STX7: variants seen among roughly 807,000 people sequenced by gnomAD.
The protein encoded by STX7 is syntaxin 7, also known as syntaxin-7.
A neutral mutation model predicts 39.6 loss-of-function variants in STX7; 34 were observed. The observed-to-expected ratio is 0.86, with a 90% CI of 0.65 to 1.14. The LOEUF is 1.14. STX7 is among the 50% of genes most tolerant of loss of function. The pLI is 0.00. For missense variants in STX7, 284 were observed against 310.4 expected (o/e 0.92, Z 0.64); for synonymous variants, 119 against 99.1 (o/e 1.20, Z -1.19).
chr6:132,460,915 C>G (rs1171296171), intron 9 of STX7, 65 bp from the exon 10 acceptor site: 3 of 1,351,336 alleles, frequency 2.2e-6, no homozygotes, highest in African/African-American at 2.9e-5. Context: ...AGTACCTCTA[C>G]AGCAACTAAA....
At position 132,460,108 on chromosome 6, in the gene STX7, C is replaced by G. The variant is rs1774350856; in HGVS notation, c.*650G>C. On this transcript the variant is annotated 3_prime_UTR_variant, in exon 10 of 10. Coordinates refer to ENST00000367941, the MANE Select transcript of STX7 (RefSeq NM_003569.3). ...GACTTAAATAGACCATATGTAAAAACAACCTATCCTTAGTAATTTTACTAG... is the reference window on the plus strand; with the variant it reads ...GACTTAAATAGACCATATGTAAAAAGAACCTATCCTTAGTAATTTTACTAG... 6.6e-6 allele frequency: 1 copy of G among 152,138 alleles called. No individual in the cohort carries two copies. The highest frequency in any genetic ancestry group is 2.4e-5 in the African/African-American group (1 of 41,424). 9.4% of individuals were successfully genotyped at this position (152,138 alleles called of 1,614,324 possible). A position where few individuals can be genotyped will look rare whatever the true frequency, so the allele number is the denominator to read the frequency against.
chr6:132,456,938 G>A lies in STX7; in HGVS notation c.*3820C>T, dbSNP rs771681140. On this transcript the variant is annotated 3_prime_UTR_variant, in exon 10 of 10. Coordinates refer to ENST00000367941, the MANE Select transcript of STX7 (RefSeq NM_003569.3). ...GGCCACTGCAGACAGAAGTGTAGGC[G>A]GGCAGAGGACATGAGTTTCACAGCA... 4 of 152,306 alleles carry A rather than the reference G, an allele frequency of 2.6e-5. No individual in the cohort carries two copies. Among genetic ancestry groups the A allele is most frequent in the Non-Finnish European group, 4.4e-5 (3 of 68,096 alleles). The allele number at this position is 152,306 out of a possible 1,614,324, so 9.4% of individuals were successfully genotyped here.
At chr6:132,487,424 C>A (rs1351453200) in intron 2 of STX7, among the ~76,000 whole-genome samples, 2 of 152,032 alleles carry the variant, frequency 1.3e-5, no homozygotes. Flanking sequence ...GGGAGTTGAA[C>A]AATGAGAACA....
intron 2 of STX7, among the ~76,000 whole-genome samples, chr6:132,483,524 C>T (rs1191398460): frequency 3.3e-5 from 5 of 152,290 alleles, no homozygotes; most frequent in Admixed American, 1.3e-4. Context: ...ATGCTATTCA[C>T]CCATCATAGG....
chr6:132,489,807 T>TTC (rs1368605511), intron 2 of STX7, among the ~76,000 whole-genome samples: 1 of 152,204 alleles, frequency 6.6e-6, no homozygotes, highest in South Asian at 2.1e-4. Flanking sequence ...TTGTCATTGG[T>TTC]TCTCTTCCCG....
At chr6:132,487,142 T>C (rs113863927) in intron 2 of STX7, among the ~76,000 whole-genome samples, 1 of 152,212 alleles carries the variant, frequency 6.6e-6, no homozygotes, top group African/African-American at 2.4e-5. Flanking sequence ...GGTTTTAAGT[T>C]GTAATTTCAA....
chr6:132,462,188 C>A (rs913765877), intron 9 of STX7, among the ~76,000 whole-genome samples: 6 of 152,170 alleles, frequency 3.9e-5, no homozygotes, highest in African/African-American at 7.2e-5. Context: ...GTAATGAGAC[C>A]CTGGGGCAAT....
At position 132,459,672 on chromosome 6, in the gene STX7, A is replaced by G. The variant is rs1774339576; in HGVS notation, c.*1086T>C. 1 of 152,238 alleles carries G rather than the reference A, an allele frequency of 6.6e-6. No individual in the cohort carries two copies. Among genetic ancestry groups the G allele is most frequent in the South Asian group, 2.1e-4 (1 of 4,828 alleles). 9.4% of individuals were successfully genotyped at this position (152,238 alleles called of 1,614,324 possible). On this transcript the variant is annotated 3_prime_UTR_variant, in exon 10 of 10. Coordinates refer to ENST00000367941, the MANE Select transcript of STX7 (RefSeq NM_003569.3). ...TATAAAATACAAAGTATAAACTAAG[A>G]TAATCCTCTTTACAGAATTCAGATT... is the stretch of plus-strand genomic sequence containing the variant.
intron 2 of STX7, among the ~76,000 whole-genome samples, chr6:132,496,797 A>T (rs1403470540): frequency 2.0e-5 from 3 of 152,216 alleles, no homozygotes; most frequent in Non-Finnish European, 1.5e-5. Context: ...ACATGCAATC[A>T]CATACAGCTT....
intron 1 of STX7, among the ~76,000 whole-genome samples, chr6:132,509,538 AACCAAATTT>A (rs1201157509): frequency 1.3e-5 from 2 of 151,598 alleles, no homozygotes; most frequent in African/African-American, 4.8e-5. Flanking sequence ...ACAAAAGAAA[AACCAAATTT>A]ACCACTTTTC....
In STX7 at chr6:132,449,749, C is replaced by G. The variant is rs1774099256; in HGVS notation, c.*11009G>C. 3 of 152,168 alleles carry G rather than the reference C, an allele frequency of 2.0e-5. No homozygotes were observed. The South Asian group carries it at 6.2e-4, about 31-fold the overall frequency. 9.4% of individuals were successfully genotyped at this position (152,168 alleles called of 1,614,324 possible). On this transcript the variant is annotated 3_prime_UTR_variant, in exon 10 of 10. Coordinates refer to ENST00000367941, the MANE Select transcript of STX7 (RefSeq NM_003569.3). ...TTTTAATATCTGCCTTTTAACACAT[C>G]TCTCATTTCATGTTCGTTTTAATTC...
chr6:132,500,133 T>C (rs1775520081), intron 2 of STX7, among the ~76,000 whole-genome samples: 1 of 152,196 alleles, frequency 6.6e-6, no homozygotes, highest in South Asian at 2.1e-4. Flanking sequence ...ATGACCAGCA[T>C]ACCTCCCTGC....
rs1774126602 is a variant in STX7 at position 132,451,080 on chromosome 6, G to A, written c.*9678C>T. 6.6e-6 allele frequency: 1 copy of A among 151,156 alleles called. No homozygotes were observed. The highest frequency in any genetic ancestry group is 1.5e-5 in the Non-Finnish European group (1 of 67,858). The allele number at this position is 151,156 out of a possible 1,614,324, so 9.4% of individuals were successfully genotyped here. ...ATTTAAAAAACTGGATTTCTCATGGGGAACCATGAAATTTTCTTTCCTTTT... is the reference window on the plus strand; with the variant it reads ...ATTTAAAAAACTGGATTTCTCATGGAGAACCATGAAATTTTCTTTCCTTTT... On this transcript the variant is annotated 3_prime_UTR_variant, in exon 10 of 10. Coordinates refer to ENST00000367941, the MANE Select transcript of STX7 (RefSeq NM_003569.3).
intron 2 of STX7, among the ~76,000 whole-genome samples, chr6:132,502,496 C>T (rs1437012830): frequency 1.3e-5 from 2 of 152,168 alleles, no homozygotes; most frequent in Non-Finnish European, 2.9e-5. Context: ...AACCTATCCA[C>T]TCAAATCTGC....
rs1330581461 is a variant in STX7 at position 132,452,380 on chromosome 6, C to CT, written c.*8377dup. On this transcript the variant is annotated 3_prime_UTR_variant, in exon 10 of 10. Transcript: ENST00000367941. ...TTATTTCTGCTGGAATTTCTACCCACTGCATTAAGGGACTGAAAGGAAAAA... is the reference window on the plus strand; with the variant it reads ...TTATTTCTGCTGGAATTTCTACCCACTTGCATTAAGGGACTGAAAGGAAAAA... The CT allele has an allele frequency of 6.6e-6, 1 of 151,456 alleles. No individual in the cohort carries two copies. The highest frequency in any genetic ancestry group is 1.5e-5 in the Non-Finnish European group (1 of 67,892). 9.4% of individuals were successfully genotyped at this position (151,456 alleles called of 1,614,324 possible).
chr6:132,477,534 C>A (rs1774904002), intron 2 of STX7, among the ~76,000 whole-genome samples: 1 of 151,916 alleles, frequency 6.6e-6, no homozygotes, highest in Admixed American at 6.6e-5. Flanking sequence ...TTTTAATAAA[C>A]CATTAATTTA....
chr6:132,499,992 T>C (rs1006530132), intron 2 of STX7, among the ~76,000 whole-genome samples: 5 of 152,124 alleles, frequency 3.3e-5, no homozygotes, highest in African/African-American at 1.2e-4. Context: ...TTCCTTCCTC[T>C]ACCATCCCTA....
intron 8 of STX7, among the ~76,000 whole-genome samples, chr6:132,466,400 A>C (rs1582648162): frequency 1.3e-5 from 2 of 152,326 alleles, no homozygotes; most frequent in Middle Eastern, 6.8e-3. Context: ...AGAGGTTAAG[A>C]AGCTTTTTCT....
intron 2 of STX7, among the ~76,000 whole-genome samples, chr6:132,490,091 A>C (rs1383119680): frequency 6.6e-6 from 1 of 152,248 alleles, no homozygotes; most frequent in African/African-American, 2.4e-5. Context: ...TGGAATCAGA[A>C]GCAACAACGG....
Sources: gnomAD v4.1 joint callset for allele counts (sites outside exome capture counted in the v4.1 genomes callset) on GRCh38, gnomAD v4.1.1 for gene constraint, MANE v1.5 for transcripts, NCBI Gene and HGNC (gene_info 2026-07-23, HGNC 2026-07-21) for gene names.